CHN1: variants seen among roughly 807,000 people sequenced by gnomAD.
The protein encoded by CHN1 is N-chimaerin.
A neutral mutation model predicts 59.5 loss-of-function variants in CHN1; 37 were observed. The ratio of observed to expected loss-of-function variants is 0.62; its 90% CI spans 0.48 to 0.82. The LOEUF (loss-of-function observed/expected upper bound fraction) is 0.82. Among genes scored for constraint, CHN1 ranks in the 40% least tolerant of loss-of-function variants. CHN1 has a pLI of 0.00. For missense variants in CHN1, 469 were observed against 571.0 expected, an observed-to-expected ratio of 0.82 and a Z score of 1.82; for synonymous variants, 206 against 200.4, an observed-to-expected ratio of 1.03 and a Z score of -0.24.
At chr2:174,935,521 C>T (rs1029133289) in intron 3 of CHN1, among the ~76,000 whole-genome samples, 1 of 152,206 alleles carries the variant, frequency 6.6e-6, no homozygotes, top group Admixed American at 6.5e-5. Flanking sequence ...ATACTACACA[C>T]CAGTCAGCAT....
intron 7 of CHN1, among the ~76,000 whole-genome samples, chr2:174,838,871 T>C (rs1238221088): frequency 6.6e-6 from 1 of 151,676 alleles, no homozygotes; most frequent in Non-Finnish European, 1.5e-5. Flanking sequence ...AAAAATGTGG[T>C]GTGTGTTTGG....
At position 174,987,522 on chromosome 2, in the gene CHN1, C is replaced by T. The variant is rs534093900; in HGVS notation, c.19+17372G>A. Among the ~76,000 whole-genome samples, 17 of 152,046 alleles carry T rather than the reference C, an allele frequency of 1.1e-4. No individual in the cohort carries two copies. The Middle Eastern group carries it at 0.014, about 122-fold the overall frequency. On this transcript the variant is annotated intron_variant, in intron 1 of 12. Transcript: ENST00000409900. ...TCCCAGGTTCAAGTGATTCTCCTGC[C>T]TCAGCCTCCCGAGTAGCTGGGATAA...
At chr2:174,924,257 CA>C (rs1689103931) in intron 3 of CHN1, among the ~76,000 whole-genome samples, 2 of 152,182 alleles carry the variant, frequency 1.3e-5, no homozygotes, top group East Asian at 3.8e-4. Context: ...ACTGCAGAGA[CA>C]ATTCTTATCT....
intron 6 of CHN1, among the ~76,000 whole-genome samples, chr2:174,872,109 T>A (rs1453827715): frequency 6.6e-6 from 1 of 151,972 alleles, no homozygotes; most frequent in Middle Eastern, 3.2e-3. Flanking sequence ...TGGAGAAACC[T>A]CATCTCTACA....
At position 174,809,151 on chromosome 2, in the gene CHN1, A is replaced by C. The variant is rs1248549178; in HGVS notation, c.965-109T>G. On this transcript the variant is annotated intron_variant, in intron 10 of 12. Coordinates refer to ENST00000409900, the MANE Select transcript of CHN1 (RefSeq NM_001822.7). Reference sequence around the variant, plus strand: ...AGATTTTAAAGATTAGCAATTCTTCAGTTTTTAACGTAAAATTTAGTGTGC... The same window carrying C: ...AGATTTTAAAGATTAGCAATTCTTCCGTTTTTAACGTAAAATTTAGTGTGC... 4.8e-6 allele frequency: 5 copies of C among 1,040,086 alleles called. 1 individual carries two copies. Among genetic ancestry groups the C allele is most frequent in the Non-Finnish European group, 6.8e-6 (5 of 740,618 alleles). 64.4% of individuals were successfully genotyped at this position (1,040,086 alleles called of 1,614,324 possible).
intron 5 of CHN1, among the ~76,000 whole-genome samples, chr2:174,908,435 A>G (rs747205973): frequency 6.6e-6 from 1 of 152,162 alleles, no homozygotes; most frequent in South Asian, 2.1e-4. Context: ...AAAGCCTTCA[A>G]TGACTCCCAT....
At chr2:174,969,905 G>T (rs1690707807) in intron 1 of CHN1, among the ~76,000 whole-genome samples, 1 of 152,100 alleles carries the variant, frequency 6.6e-6, no homozygotes, top group Non-Finnish European at 1.5e-5. Flanking sequence ...ACCCTTTCAG[G>T]AGAGGTCCAC....
chr2:174,818,894 T>C lies in CHN1; in HGVS notation c.712+5540A>G, dbSNP rs144221649. ...TGAAAGGAATAGCTGATACTGACAT[T>C]CTATTGACAGGATTAAAGGATAACT... On this transcript the variant is annotated intron_variant, in intron 8 of 12. Coordinates refer to ENST00000409900, the MANE Select transcript of CHN1 (RefSeq NM_001822.7). Among the ~76,000 whole-genome samples, 304 of 152,230 alleles carry C rather than the reference T, an allele frequency of 2.0e-3. 1 individual carries two copies. Among genetic ancestry groups the C allele is most frequent in the African/African-American group, 7.1e-3 (294 of 41,508 alleles).
chr2:174,993,986 G>C (rs911293380), intron 1 of CHN1, among the ~76,000 whole-genome samples: 1 of 152,112 alleles, frequency 6.6e-6, no homozygotes, highest in Non-Finnish European at 1.5e-5. Flanking sequence ...TTCAGACCTC[G>C]AAAAGGTTAA....
chr2:174,957,804 G>C, intron 1 of CHN1, among the ~76,000 whole-genome samples: 1 of 152,168 alleles, frequency 6.6e-6, no homozygotes, highest in South Asian at 2.1e-4. Flanking sequence ...CTCAGAAGAG[G>C]TCTAGACCTT....
chr2:174,920,988 C>G (rs781172029), intron 3 of CHN1: 2 of 430,402 alleles, frequency 4.6e-6, no homozygotes, highest in African/African-American at 4.0e-5. Context: ...CTAGGTCCCT[C>G]GCATGTGCAG....
chr2:174,999,908 A>G (rs576437939), intron 1 of CHN1, among the ~76,000 whole-genome samples: 1 of 152,324 alleles, frequency 6.6e-6, no homozygotes, highest in African/African-American at 2.4e-5. Context: ...ACTGTCTTCT[A>G]TGTTCAAAAA....
intron 1 of CHN1, among the ~76,000 whole-genome samples, chr2:174,956,391 A>G (rs1335614081): frequency 2.0e-5 from 3 of 152,192 alleles, no homozygotes; most frequent in Admixed American, 6.5e-5. Context: ...AGAAACTCAA[A>G]TCTACATAAA....
chr2:174,819,119 T>C (rs79087120), intron 8 of CHN1, among the ~76,000 whole-genome samples: 2,148 of 152,288 alleles, frequency 0.014, 43 homozygotes, highest in African/African-American at 0.049. Context: ...CTTTGGAATA[T>C]TGATGAAAAT....
At chr2:174,911,655 A>G (rs16862927) in intron 5 of CHN1, among the ~76,000 whole-genome samples, 7,494 of 152,278 alleles carry the variant, frequency 0.049, 604 homozygotes, top group African/African-American at 0.17. Context: ...CATGGTGAAA[A>G]CTTCTTTTCT....
intron 1 of CHN1, among the ~76,000 whole-genome samples, chr2:174,991,909 A>C (rs1400564979): frequency 6.6e-6 from 1 of 152,248 alleles, no homozygotes; most frequent in African/African-American, 2.4e-5. Context: ...TACAGAAATG[A>C]AAAAGAAATG....
intron 5 of CHN1, among the ~76,000 whole-genome samples, chr2:174,881,012 C>T (rs1406372450): frequency 6.7e-6 from 1 of 150,088 alleles, no homozygotes; most frequent in African/African-American, 2.5e-5. Context: ...CACCATTGCA[C>T]TCCAGCCTGG....
chr2:174,845,796 TG>T (rs1686489768), intron 7 of CHN1, among the ~76,000 whole-genome samples: 1 of 144,018 alleles, frequency 6.9e-6, no homozygotes, highest in African/African-American at 2.6e-5. Flanking sequence ...GGGGGGGTGT[TG>T]GTATTTAGTG....
intron 5 of CHN1, among the ~76,000 whole-genome samples, chr2:174,910,766 G>A (rs1435045083): frequency 1.3e-5 from 2 of 151,960 alleles, no homozygotes; most frequent in African/African-American, 2.4e-5. Flanking sequence ...CGGGCGCAGT[G>A]GCGGGCGCCT....
Sources: gnomAD v4.1 joint callset for allele counts (sites outside exome capture counted in the v4.1 genomes callset) on GRCh38, gnomAD v4.1.1 for gene constraint, MANE v1.5 for transcripts, NCBI Gene and HGNC (gene_info 2026-07-23, HGNC 2026-07-21) for gene names.